Variants in GPATCH2 observed in about 807,000 individuals in gnomAD.
The protein encoded by GPATCH2 is G patch domain-containing protein 2.
In GPATCH2, 51 loss-of-function variants were observed where a neutral mutation model predicts 58.0. The observed-to-expected ratio is 0.88, with a 90% confidence interval of 0.70 to 1.11. The LOEUF is 1.11. Ranked by LOEUF, GPATCH2 falls within the 50% of genes most tolerant of loss-of-function variation. The probability of loss-of-function intolerance (pLI) is 0.00; values close to 1 mark genes in which losing one functional copy is unlikely to be tolerated. For missense variants in GPATCH2, 625 were observed against 652.2 expected (o/e 0.96, Z 0.45); for synonymous variants, 222 against 218.5 (o/e 1.02, Z -0.14).
intron 7 of GPATCH2, among the ~76,000 whole-genome samples, chr1:217,495,359 T>A (rs192600596): frequency 1.4e-4 from 22 of 152,316 alleles, no homozygotes; most frequent in African/African-American, 5.1e-4. Context: ...CATAAGGCAC[T>A]CAAGCTCAGG....
chr1:217,516,651 T>G, intron 5 of GPATCH2, among the ~76,000 whole-genome samples: 1 of 152,244 alleles, frequency 6.6e-6, no homozygotes, highest in East Asian at 1.9e-4. Flanking sequence ...ATGGTGGACC[T>G]GACACTTTTA....
chr1:217,488,964 G>T (rs893503505), intron 8 of GPATCH2, among the ~76,000 whole-genome samples: 1 of 151,966 alleles, frequency 6.6e-6, no homozygotes, highest in Admixed American at 6.6e-5. Context: ...ACAGGTGTGG[G>T]CCTCTTCGAG....
intron 5 of GPATCH2, among the ~76,000 whole-genome samples, chr1:217,545,741 A>G (rs969720150): frequency 3.9e-5 from 6 of 152,220 alleles, no homozygotes; most frequent in African/African-American, 1.4e-4. Flanking sequence ...GGATGATGAG[A>G]GGCCCTGATG....
At chr1:217,606,484 G>A (rs1668366396) in intron 5 of GPATCH2, among the ~76,000 whole-genome samples, 3 of 152,140 alleles carry the variant, frequency 2.0e-5, no homozygotes, top group South Asian at 4.1e-4. Flanking sequence ...CAAGCCAGTT[G>A]CGGTGCTTCA....
At chr1:217,572,936 T>A (rs890708498) in intron 5 of GPATCH2, among the ~76,000 whole-genome samples, 1 of 152,182 alleles carries the variant, frequency 6.6e-6, no homozygotes, top group Admixed American at 6.5e-5. Flanking sequence ...TAAAAGTAAT[T>A]TCCAAATGTA....
At chr1:217,481,492 G>C (rs1364633385) in intron 8 of GPATCH2, among the ~76,000 whole-genome samples, 1 of 152,142 alleles carries the variant, frequency 6.6e-6, no homozygotes, top group Admixed American at 6.5e-5. Context: ...ACTGTATTTT[G>C]TTATAAGTTT....
chr1:217,471,813 A>G (rs1450591308), intron 8 of GPATCH2, among the ~76,000 whole-genome samples: 1 of 152,196 alleles, frequency 6.6e-6, no homozygotes, highest in African/African-American at 2.4e-5. Context: ...CTAAGAAATT[A>G]TGTCACATAG....
intron 5 of GPATCH2, among the ~76,000 whole-genome samples, chr1:217,515,763 T>G (rs1663107833): frequency 6.9e-6 from 1 of 144,018 alleles, no homozygotes. Flanking sequence ...AGTGTAAATA[T>G]CCTTTAAAAA....
chr1:217,452,467 A>T (rs977115767), intron 8 of GPATCH2, among the ~76,000 whole-genome samples: 2 of 152,196 alleles, frequency 1.3e-5, no homozygotes, highest in African/African-American at 2.4e-5. Context: ...GCTCACTGTG[A>T]CTATTAATAC....
intron 9 of GPATCH2, among the ~76,000 whole-genome samples, chr1:217,445,362 T>G (rs1659340290): frequency 6.6e-6 from 1 of 152,188 alleles, no homozygotes; most frequent in Non-Finnish European, 1.5e-5. Context: ...ATCTTTTTAC[T>G]ATTAAATCCT....
At chr1:217,603,654 A>C (rs1445601098) in intron 5 of GPATCH2, among the ~76,000 whole-genome samples, 1 of 151,844 alleles carries the variant, frequency 6.6e-6, no homozygotes, top group South Asian at 2.1e-4. Context: ...ATGGAGTCTC[A>C]CTCTGTTGCC....
rs559653090 is a variant in GPATCH2, at chr1:217,482,908, C to T, written c.1277+8772G>A. 5.3e-5 allele frequency among the ~76,000 whole-genome samples: 8 copies of T among 152,248 alleles called. No homozygotes were observed. The East Asian group carries it at 1.5e-3, about 29-fold the overall frequency. ...ATTTGTAGCCCTTTCCTCCCACATCCCCCTGGTCCTCACCCCATGTCTGGG... is the reference window on the plus strand; with the variant it reads ...ATTTGTAGCCCTTTCCTCCCACATCTCCCTGGTCCTCACCCCATGTCTGGG... On this transcript the variant is annotated intron_variant, in intron 8 of 9. Transcript: ENST00000366935.
At chr1:217,490,332 A>G (rs974214149) in intron 8 of GPATCH2, among the ~76,000 whole-genome samples, 3 of 152,176 alleles carry the variant, frequency 2.0e-5, no homozygotes, top group Non-Finnish European at 4.4e-5. Flanking sequence ...GTATATTATT[A>G]GGTGTGGATT....
chr1:217,616,686 TG>T (rs1255841683), intron 2 of GPATCH2, among the ~76,000 whole-genome samples: 3 of 152,184 alleles, frequency 2.0e-5, no homozygotes, highest in Non-Finnish European at 4.4e-5. Flanking sequence ...TTTCAGCAGC[TG>T]ACAGTCATTA....
At chr1:217,514,988 T>C (rs1024953743) in intron 5 of GPATCH2, 99 bp from the exon 6 acceptor site, 3 of 676,698 alleles carry the variant, frequency 4.4e-6, no homozygotes, top group Non-Finnish European at 8.2e-6. Flanking sequence ...CACTCTAAAA[T>C]GGAGAATACA....
intron 8 of GPATCH2, among the ~76,000 whole-genome samples, chr1:217,453,951 C>T (rs769068047): frequency 2.6e-5 from 4 of 152,098 alleles, no homozygotes; most frequent in African/African-American, 4.8e-5. Context: ...GACTATGGGC[C>T]CTGGCATTTG....
At chr1:217,462,615 T>G (rs914503728) in intron 8 of GPATCH2, among the ~76,000 whole-genome samples, 1 of 152,220 alleles carries the variant, frequency 6.6e-6, no homozygotes, top group African/African-American at 2.4e-5. Flanking sequence ...TAAGAATATC[T>G]ACCTCATAGG....
chr1:217,576,866 C>T (rs542411001), intron 5 of GPATCH2, among the ~76,000 whole-genome samples: 4 of 152,064 alleles, frequency 2.6e-5, no homozygotes, highest in Admixed American at 1.3e-4. Context: ...ATTGACAATG[C>T]GAAGGGGATA....
intron 5 of GPATCH2, among the ~76,000 whole-genome samples, chr1:217,548,977 A>G (rs1378363840): frequency 6.6e-6 from 1 of 152,170 alleles, no homozygotes; most frequent in Non-Finnish European, 1.5e-5. Context: ...TCACAGTTTG[A>G]TGGTGGTGCT....
Sources: gnomAD v4.1 joint callset for allele counts (sites outside exome capture counted in the v4.1 genomes callset) on GRCh38, gnomAD v4.1.1 for gene constraint, MANE v1.5 for transcripts, NCBI Gene and HGNC (gene_info 2026-07-23, HGNC 2026-07-21) for gene names.